CBLN2: variants seen among roughly 807,000 people sequenced by gnomAD.
The protein encoded by CBLN2 is cerebellin 2 precursor, also known as cerebellin-2.
A neutral mutation model predicts 15.0 loss-of-function variants in CBLN2; 7 were observed. The ratio of observed to expected loss-of-function variants is 0.47; its 90% CI spans 0.27 to 0.88. CBLN2 has a LOEUF of 0.88. Ranked by LOEUF, CBLN2 falls within the 40% of genes least tolerant of loss-of-function variation. The probability of loss-of-function intolerance (pLI) is 0.14; values close to 1 mark genes in which losing one functional copy is unlikely to be tolerated. For missense variants in CBLN2, 242 were observed against 304.5 expected, an observed-to-expected ratio of 0.79 and a Z score of 1.53; for synonymous variants, 149 against 135.2, an observed-to-expected ratio of 1.10 and a Z score of -0.71.
chr18:72,557,043 C>A (rs752207374), intron 1 of CBLN2, among the ~76,000 whole-genome samples: 65 of 151,522 alleles, frequency 4.3e-4, no homozygotes, highest in Middle Eastern at 3.4e-3. Flanking sequence ...TCTATCATGT[C>A]AAGTGCTTTG....
intron 1 of CBLN2, chr18:72,552,431 A>G (rs2069197444): frequency 6.6e-6 from 1 of 152,132 alleles, no homozygotes; most frequent in African/African-American, 2.4e-5. Flanking sequence ...TCAGCTTATC[A>G]TACAAATATC....
chr18:72,557,322 T>A (rs991938939), intron 1 of CBLN2, among the ~76,000 whole-genome samples: 1 of 152,204 alleles, frequency 6.6e-6, no homozygotes, highest in Non-Finnish European at 1.5e-5. Context: ...TTTGCTATCA[T>A]GAACAGTGTG....
At chr18:72,541,689 G>A in intron 3 of CBLN2, 115 bp downstream of exon 3, 3 of 721,680 alleles carry the variant, frequency 4.2e-6, no homozygotes, top group South Asian at 2.0e-5. Flanking sequence ...CAGGGCAGAG[G>A]GGGAGGACAG....
At chr18:72,582,256 A>G (rs2069410932) in intron 1 of CBLN2, among the ~76,000 whole-genome samples, 1 of 152,234 alleles carries the variant, frequency 6.6e-6, no homozygotes, top group Admixed American at 6.5e-5. Context: ...CAAGTTTCAT[A>G]TAAAATATTG....
At position 72,594,440 on chromosome 18, in the gene CBLN2, T is replaced by C. The variant is rs2069500105; in HGVS notation, c.15+43885A>G. Among the ~76,000 whole-genome samples, 4 of 150,962 alleles carry C rather than the reference T, an allele frequency of 2.6e-5. No individual in the cohort carries two copies. In the South Asian group the frequency reaches 8.4e-4, roughly 32 times the overall value. On this transcript the variant is annotated intron_variant, in intron 1 of 2. Transcript: ENST00000581073. ...GTTCATCATGGATATTGTCCTGTAGTTCTCTTTTTTTTTTTAATGTATCTT... is the reference window on the plus strand; with the variant it reads ...GTTCATCATGGATATTGTCCTGTAGCTCTCTTTTTTTTTTTAATGTATCTT...
chr18:72,631,935 G>C (rs2069779642), intron 1 of CBLN2, among the ~76,000 whole-genome samples: 1 of 152,102 alleles, frequency 6.6e-6, no homozygotes, highest in East Asian at 1.9e-4. Flanking sequence ...CAACGATTTT[G>C]ATGTACTAAA....
At position 72,538,159 on chromosome 18, in the gene CBLN2, T is replaced by C. The variant is rs746751951; in HGVS notation, c.*17A>G. 1.1e-5 allele frequency: 17 copies of C among 1,613,920 alleles called. No individual in the cohort carries two copies. Among genetic ancestry groups the C allele is most frequent in the Admixed American group, 1.7e-5 (1 of 60,014 alleles). Reference sequence around the variant, plus strand: ...GGTCCAGTTTGCCATTCCCCCACCATCTAGGGGGCTCTGTGTTTATAGAGG... The same window carrying C: ...GGTCCAGTTTGCCATTCCCCCACCACCTAGGGGGCTCTGTGTTTATAGAGG... On this transcript the variant is annotated 3_prime_UTR_variant, in exon 5 of 5. Transcript: ENST00000269503.
At chr18:72,551,220 G>A (rs1009690077) in intron 1 of CBLN2, among the ~76,000 whole-genome samples, 1 of 151,918 alleles carries the variant, frequency 6.6e-6, no homozygotes. Flanking sequence ...TTTCAGACAT[G>A]TCTAATGGGT....
chr18:72,555,609 T>G lies in CBLN2; in HGVS notation c.16-16837A>C, dbSNP rs138105124. On this transcript the variant is annotated intron_variant, in intron 1 of 2. Transcript: ENST00000581073. ...TATATACAGTAATCTACTTTTTCCATTTAATTTATCATAAGCATTTTTAAA... is the reference window on the plus strand; with the variant it reads ...TATATACAGTAATCTACTTTTTCCAGTTAATTTATCATAAGCATTTTTAAA... Among the ~76,000 whole-genome samples, 542 of 152,320 alleles carry G rather than the reference T, an allele frequency of 3.6e-3. 3 individuals carry two copies. The highest frequency in any genetic ancestry group is 0.013 in the African/African-American group (525 of 41,562).
intron 1 of CBLN2, among the ~76,000 whole-genome samples, chr18:72,615,994 G>GT (rs1456496884): frequency 1.3e-5 from 2 of 152,050 alleles, no homozygotes; most frequent in Non-Finnish European, 2.9e-5. Flanking sequence ...ACTTTTAACA[G>GT]TAAAAAAAAG....
chr18:72,632,174 G>A lies in CBLN2; in HGVS notation c.15+6151C>T, dbSNP rs560593505. ...TTAAGCATTTTCAATATTTATATAC[G>A]TAAGGTGTGTGTAATTAATCAATAT... On this transcript the variant is annotated intron_variant, in intron 1 of 2. Transcript: ENST00000581073. Among the ~76,000 whole-genome samples the A allele has an allele frequency of 1.4e-4, 22 of 152,034 alleles. No individual in the cohort carries two copies. The South Asian group carries it at 1.7e-3, about 11-fold the overall frequency.
rs117726756 is a variant in CBLN2 at position 72,597,813 on chromosome 18, T to C, written c.15+40512A>G. Among the ~76,000 whole-genome samples the C allele has an allele frequency of 6.0e-4, 91 of 152,296 alleles. No homozygotes were observed. The East Asian group carries it at 0.017, about 28-fold the overall frequency. The stretch of plus-strand genomic sequence containing the variant: ...ACACAAGCAAAGGAGTCTCTCCCTA[T>C]GGCCAGAACTGCCCAGGCCCACAGC... On this transcript the variant is annotated intron_variant, in intron 1 of 2. Coordinates refer to the CBLN2 transcript ENST00000581073.
chr18:72,576,100 C>T (rs1044916360), intron 1 of CBLN2, among the ~76,000 whole-genome samples: 15 of 152,186 alleles, frequency 9.9e-5, no homozygotes, highest in African/African-American at 3.4e-4. Context: ...TTAGCTAAAA[C>T]TAACATTAAA....
intron 1 of CBLN2, among the ~76,000 whole-genome samples, chr18:72,574,188 T>C (rs1172618433): frequency 6.6e-6 from 1 of 152,126 alleles, no homozygotes; most frequent in Non-Finnish European, 1.5e-5. Context: ...ATAATGGCTA[T>C]TTATTAGATA....
intron 1 of CBLN2, among the ~76,000 whole-genome samples, chr18:72,602,955 A>C (rs1391739349): frequency 6.6e-6 from 1 of 152,122 alleles, no homozygotes; most frequent in Non-Finnish European, 1.5e-5. Flanking sequence ...TTCTCCTTCC[A>C]TGGTGTGCTG....
chr18:72,621,800 G>A (rs970700868), intron 1 of CBLN2, among the ~76,000 whole-genome samples: 3 of 152,188 alleles, frequency 2.0e-5, no homozygotes, highest in African/African-American at 7.2e-5. Context: ...TTTGGTTATA[G>A]GTTTCCAATG....
intron 1 of CBLN2, among the ~76,000 whole-genome samples, chr18:72,573,700 A>G (rs989645774): frequency 2.6e-5 from 4 of 152,200 alleles, no homozygotes; most frequent in Non-Finnish European, 5.9e-5. Context: ...AACTACGGAA[A>G]TATCTTGGTT....
intron 1 of CBLN2, among the ~76,000 whole-genome samples, chr18:72,580,724 T>G (rs1432212540): frequency 1.3e-5 from 2 of 152,258 alleles, no homozygotes; most frequent in African/African-American, 2.4e-5. Flanking sequence ...ACATTCTATT[T>G]ATTCATGCTT....
chr18:72,621,752 G>A (rs2069702121), intron 1 of CBLN2, among the ~76,000 whole-genome samples: 1 of 152,184 alleles, frequency 6.6e-6, no homozygotes, highest in Non-Finnish European at 1.5e-5. Flanking sequence ...AAAGGAGACT[G>A]TATCAGAGCC....
Sources: gnomAD v4.1 joint callset for allele counts (sites outside exome capture counted in the v4.1 genomes callset) on GRCh38, gnomAD v4.1.1 for gene constraint, MANE v1.5 for transcripts, NCBI Gene and HGNC (gene_info 2026-07-23, HGNC 2026-07-21) for gene names.